The following TSPAN5 variants were observed in gnomAD, a reference collection of about 807,000 sequenced individuals.
The protein encoded by TSPAN5 is tetraspanin 5, also known as tetraspanin-5.
A neutral mutation model predicts 37.1 loss-of-function variants in TSPAN5; 10 were observed. That is an observed-to-expected ratio of 0.27 (90% confidence interval 0.17 to 0.46). The LOEUF is 0.46. TSPAN5 is among the 20% of genes least tolerant of loss of function. TSPAN5 has a pLI of 1.00. For synonymous variants in TSPAN5, 110 were observed against 118.9 expected (o/e 0.93, Z 0.48); for missense variants, 195 against 326.6 (o/e 0.60, Z 3.11).
intron 1 of TSPAN5, among the ~76,000 whole-genome samples, chr4:98,656,582 AGT>A (rs1459855828): frequency 2.0e-5 from 3 of 152,238 alleles, no homozygotes; most frequent in Non-Finnish European, 4.4e-5. Flanking sequence ...TACTTGTAGC[AGT>A]GTTTAATTGC....
chr4:98,532,508 T>C (rs910312239), intron 1 of TSPAN5, among the ~76,000 whole-genome samples: 1 of 152,218 alleles, frequency 6.6e-6, no homozygotes, highest in Non-Finnish European at 1.5e-5. Flanking sequence ...TATTGGTGTA[T>C]AGCAATGCTT....
At chr4:98,552,591 T>C (rs537211671) in intron 1 of TSPAN5, among the ~76,000 whole-genome samples, 4 of 152,348 alleles carry the variant, frequency 2.6e-5, no homozygotes, top group African/African-American at 7.2e-5. Context: ...GCATTCCACC[T>C]ATCTCACATT....
At chr4:98,506,330 ATC>A (rs2110284944) in intron 2 of TSPAN5, among the ~76,000 whole-genome samples, 1 of 152,366 alleles carries the variant, frequency 6.6e-6, no homozygotes, top group East Asian at 1.9e-4. Context: ...AGATGAAATT[ATC>A]TCTGTTTTGG....
At chr4:98,481,360 G>A (rs1752834275) in intron 4 of TSPAN5, among the ~76,000 whole-genome samples, 1 of 152,060 alleles carries the variant, frequency 6.6e-6, no homozygotes, top group Non-Finnish European at 1.5e-5. Context: ...CTGCTGCTTT[G>A]CTGGCACTGA....
chr4:98,635,438 T>C (rs1394674205), intron 1 of TSPAN5, among the ~76,000 whole-genome samples: 2 of 152,324 alleles, frequency 1.3e-5, no homozygotes, highest in East Asian at 3.9e-4. Flanking sequence ...GGCTGATGTC[T>C]TTTATCTTTT....
rs188905780 is a variant in TSPAN5 at position 98,523,461 on chromosome 4, G to C, written c.82-15733C>G. ...AATTATGGTTTTTTTTTGAGACAGA[G>C]TCTCCGTCTGTTGCCCAGGCTGGAG... On this transcript the variant is annotated intron_variant, in intron 1 of 7. Transcript: ENST00000305798. 1.1e-3 allele frequency among the ~76,000 whole-genome samples: 174 copies of C among 152,192 alleles called. 1 individual carries two copies. Among genetic ancestry groups the C allele is most frequent in the African/African-American group, 4.0e-3 (165 of 41,536 alleles).
intron 3 of TSPAN5, among the ~76,000 whole-genome samples, chr4:98,486,270 C>G (rs1752956303): frequency 6.6e-6 from 1 of 152,166 alleles, no homozygotes. Context: ...AGAAGCTTTA[C>G]CTTTTACTGT....
At chr4:98,602,586 C>T (rs1755906814) in intron 1 of TSPAN5, among the ~76,000 whole-genome samples, 1 of 152,226 alleles carries the variant, frequency 6.6e-6, no homozygotes, top group African/African-American at 2.4e-5. Flanking sequence ...TACTCTAAAT[C>T]CCTGAGGAAG....
chr4:98,565,451 G>A (rs1311247880), intron 1 of TSPAN5, among the ~76,000 whole-genome samples: 2 of 151,842 alleles, frequency 1.3e-5, no homozygotes, highest in East Asian at 3.9e-4. Context: ...AAGAACTGAG[G>A]AGAAAATATA....
intron 1 of TSPAN5, among the ~76,000 whole-genome samples, chr4:98,544,990 C>G (rs1486461814): frequency 6.6e-6 from 1 of 152,180 alleles, no homozygotes; most frequent in Non-Finnish European, 1.5e-5. Context: ...GTGGCTTGAA[C>G]AGGGCTGAGC....
At chr4:98,533,229 T>C (rs1754140400) in intron 1 of TSPAN5, among the ~76,000 whole-genome samples, 1 of 152,132 alleles carries the variant, frequency 6.6e-6, no homozygotes, top group Admixed American at 6.5e-5. Flanking sequence ...GGATTCCCTC[T>C]TTTTCTATAG....
intron 1 of TSPAN5, among the ~76,000 whole-genome samples, chr4:98,554,584 C>T (rs1754696713): frequency 6.6e-6 from 1 of 152,194 alleles, no homozygotes; most frequent in South Asian, 2.1e-4. Context: ...GAACAAAAAG[C>T]TATTTGAAAT....
chr4:98,488,448 T>C (rs566842090), intron 2 of TSPAN5, among the ~76,000 whole-genome samples: 1 of 152,334 alleles, frequency 6.6e-6, no homozygotes, highest in Admixed American at 6.5e-5. Flanking sequence ...TCTTATAATG[T>C]AAAACTTAAA....
At chr4:98,560,884 A>C (rs1336460693) in intron 1 of TSPAN5, among the ~76,000 whole-genome samples, 1 of 152,230 alleles carries the variant, frequency 6.6e-6, no homozygotes, top group Non-Finnish European at 1.5e-5. Context: ...TGAGTGGCAA[A>C]TGTTGCAAAT....
chr4:98,651,864 C>CTTTTT (rs552597633), intron 1 of TSPAN5, among the ~76,000 whole-genome samples: 1 of 95,242 alleles, frequency 1.0e-5, no homozygotes, highest in Non-Finnish European at 2.0e-5. Context: ...CTTCAACATA[C>CTTTTT]TTTTTTTTTT....
rs142527701 is a variant in TSPAN5, at chr4:98,548,886, GGTGTGTGT to G, written c.82-41166_82-41159del. 3.5e-4 allele frequency among the ~76,000 whole-genome samples: 20 copies of G among 57,464 alleles called. No homozygotes were observed. In the East Asian group the frequency reaches 7.7e-3, roughly 22 times the overall value. The allele number at this position is 57,464 out of a possible 152,430, so 37.7% of individuals were successfully genotyped here. A position where few individuals can be genotyped will look rare whatever the true frequency, so the allele number is the denominator to read the frequency against. ...TTTTTATCGCTGCATAGTATTCCAA[GGTGTGTGT>G]GTGTGTGTGTGTGTGTGTGTGTGTG... On this transcript the variant is annotated intron_variant, in intron 1 of 7. Coordinates refer to ENST00000305798, the MANE Select transcript of TSPAN5 (RefSeq NM_005723.4).
rs535225379 is a variant in TSPAN5, at chr4:98,626,232, T to C, written c.81+31914A>G. Among the ~76,000 whole-genome samples, 160 of 152,228 alleles carry C rather than the reference T, an allele frequency of 1.1e-3. 2 individuals carry two copies. Among genetic ancestry groups the C allele is most frequent in the Middle Eastern group, 6.8e-3 (2 of 294 alleles). On this transcript the variant is annotated intron_variant, in intron 1 of 7. Transcript: ENST00000305798. ...ATCACTCACGAACAGCCCAGGTACA[T>C]CTTATGTATTCTAAAGGTTGAAGAC... is the stretch of plus-strand genomic sequence containing the variant.
intron 1 of TSPAN5, among the ~76,000 whole-genome samples, chr4:98,585,561 C>T (rs1436157378): frequency 2.0e-5 from 3 of 152,210 alleles, no homozygotes; most frequent in Non-Finnish European, 4.4e-5. Context: ...CCACCTGCCT[C>T]AGCCTCCCAA....
chr4:98,626,008 A>T (rs1481123191), intron 1 of TSPAN5, among the ~76,000 whole-genome samples: 1 of 152,246 alleles, frequency 6.6e-6, no homozygotes, highest in Non-Finnish European at 1.5e-5. Flanking sequence ...TCCATAAACC[A>T]ATTATTCACT....
Sources: gnomAD v4.1 joint callset for allele counts (sites outside exome capture counted in the v4.1 genomes callset) on GRCh38, gnomAD v4.1.1 for gene constraint, MANE v1.5 for transcripts, NCBI Gene and HGNC (gene_info 2026-07-23, HGNC 2026-07-21) for gene names.